The following SLC2A11 variants were observed in gnomAD, a reference collection of about 807,000 sequenced individuals.
SLC2A11 encodes the protein solute carrier family 2, facilitated glucose transporter member 11.
A neutral mutation model predicts 52.1 loss-of-function variants in SLC2A11; 43 were observed. That is an observed-to-expected ratio of 0.82 (90% CI 0.65 to 1.06). The LOEUF (loss-of-function observed/expected upper bound fraction) is 1.06. Among genes scored for constraint, SLC2A11 ranks in the 50% least tolerant of loss-of-function variants. The pLI, the probability that SLC2A11 is intolerant of heterozygous loss-of-function variation, is 0.00. For synonymous variants in SLC2A11, 261 were observed against 277.6 expected, an observed-to-expected ratio of 0.94 and a Z score of 0.59; for missense variants, 582 against 654.2, an observed-to-expected ratio of 0.89 and a Z score of 1.20.
chr22:23,877,661 G>A (rs755247360), intron 5 of SLC2A11, 60 bp from the exon 6 acceptor site: 31 of 1,506,770 alleles, frequency 2.1e-5, no homozygotes, highest in Non-Finnish European at 2.8e-5. Context: ...GGGCAGGAGA[G>A]CAGGGTGGTA....
chr22:23,874,616 A>G (rs1275831609), intron 3 of SLC2A11, among the ~76,000 whole-genome samples: 2 of 151,790 alleles, frequency 1.3e-5, no homozygotes, highest in African/African-American at 4.8e-5. Flanking sequence ...TGCCTGGCTA[A>G]TTTTGTATTT....
At chr22:23,858,082 A>C in intron 1 of SLC2A11, 53 bp downstream of exon 1, 1 of 1,550,888 alleles carries the variant, frequency 6.4e-7, no homozygotes, top group Non-Finnish European at 8.7e-7. Context: ...GGGATTGCGG[A>C]CCTGAGTGAA....
Position 23,884,748 on chromosome 22 carries a change from T to C in SLC2A11, c.1399T>C (p.Phe467Leu), listed in dbSNP as rs748586241. 6.2e-7 allele frequency: 1 copy of C among 1,614,154 alleles called. No homozygotes were observed. The highest frequency in any genetic ancestry group is 8.5e-7 in the Non-Finnish European group (1 of 1,180,022). The change falls in exon 12 of 12, where the codon TTC becomes CTC. Residue 467 changes from phenylalanine (F) to leucine (L), a missense_variant. Physicochemically the swap from Phe to Leu is conservative, Grantham distance 22 (BLOSUM62 0). Coordinates refer to ENST00000316185, the MANE Select transcript of SLC2A11 (RefSeq NM_001024939.4). The surrounding 1 kb of genome is among the most constrained non-coding windows in gnomAD (Gnocchi z 4.3). ...CCTTCCTGAGACCAAAGGCAAGACCTTCCAAGAGATCTCCAAGGAATTACA... is the reference window on the plus strand; with the variant it reads ...CCTTCCTGAGACCAAAGGCAAGACCCTCCAAGAGATCTCCAAGGAATTACA... The part of the protein sequence containing the change: ...LFLPETKGKT[F>L]QEISKELHRL...
intron 3 of SLC2A11, chr22:23,869,785 C>G: frequency 1.9e-6 from 1 of 533,622 alleles, no homozygotes; most frequent in East Asian, 3.1e-5. Flanking sequence ...TCAAGGCACC[C>G]AGCAGATGCA....
chr22:23,858,105 A>G (rs1400245742), intron 1 of SLC2A11, 76 bp downstream of exon 1: 8 of 1,535,082 alleles, frequency 5.2e-6, no homozygotes, highest in Admixed American at 2.0e-5. Flanking sequence ...GCGCAGGTGC[A>G]GCCACCTGGG....
intron 3 of SLC2A11, among the ~76,000 whole-genome samples, chr22:23,874,910 T>C (rs576832412): frequency 2.6e-4 from 39 of 152,336 alleles, no homozygotes; most frequent in Admixed American, 2.4e-3. Flanking sequence ...TTTTAAAAAT[T>C]ATGTGTTACA....
intron 8 of SLC2A11, chr22:23,883,281 G>A: frequency 3.0e-6 from 1 of 333,544 alleles, no homozygotes; most frequent in Non-Finnish European, 5.7e-6. Context: ...GACCAGCCTG[G>A]GCAACATGGT....
chr22:23,864,385 G>A (rs2032185260), intron 2 of SLC2A11, among the ~76,000 whole-genome samples: 1 of 152,122 alleles, frequency 6.6e-6, no homozygotes, highest in South Asian at 2.1e-4. Context: ...GCGATGGCGT[G>A]ATCTTGGCTC....
chr22:23,882,923 G>T (rs1318060307), intron 8 of SLC2A11, 54 bp downstream of exon 8: 1 of 1,485,348 alleles, frequency 6.7e-7, no homozygotes, highest in Non-Finnish European at 9.3e-7. Context: ...GGACCCCCAG[G>T]TCCTCTGCAT....
At chr22:23,874,905 A>T (rs2146128421) in intron 3 of SLC2A11, among the ~76,000 whole-genome samples, 1 of 152,318 alleles carries the variant, frequency 6.6e-6, no homozygotes, top group East Asian at 1.9e-4. Context: ...AGATATTTTA[A>T]AAATTATGTG....
At chr22:23,867,860 G>A in intron 2 of SLC2A11, 1 of 443,612 alleles carries the variant, frequency 2.3e-6, no homozygotes, top group Non-Finnish European at 4.7e-6. Flanking sequence ...TTCCCATCTG[G>A]CTATTCATGA....
chr22:23,873,843 C>T (rs1238786983), intron 3 of SLC2A11, among the ~76,000 whole-genome samples: 1 of 152,144 alleles, frequency 6.6e-6, no homozygotes, highest in African/African-American at 2.4e-5. Flanking sequence ...TTATAATCTA[C>T]TGTCATTTTT....
At chr22:23,875,341 T>G (rs2032584479) in intron 4 of SLC2A11, 100 bp downstream of exon 4, 1 of 1,237,454 alleles carries the variant, frequency 8.1e-7, no homozygotes, top group East Asian at 3.0e-5. Context: ...CCTCCCTTTA[T>G]TCATTCATTT....
intron 2 of SLC2A11, chr22:23,865,808 A>G (rs1293321529): frequency 1.3e-5 from 2 of 152,252 alleles, no homozygotes; most frequent in African/African-American, 2.4e-5. Flanking sequence ...TTAGCACGAT[A>G]CTTGCTAAAA....
chr22:23,862,377 A>C lies in SLC2A11; in HGVS notation c.129+175A>C, dbSNP rs957335898. The C allele has an allele frequency of 5.0e-6, 3 of 597,098 alleles. No individual in the cohort carries two copies. The African/African-American group carries it at 5.6e-5, about 11-fold the overall frequency. 37.0% of individuals were successfully genotyped at this position (597,098 alleles called of 1,614,324 possible). ...TTCAAACTGAGCATACATCTTCCCC[A>C]AACCTGCATGTCCTCCTGAGTCCCT... On this transcript the variant is annotated intron_variant, in intron 2 of 11. Coordinates refer to ENST00000316185, the MANE Select transcript of SLC2A11 (RefSeq NM_001024939.4).
chr22:23,876,990 G>T, intron 4 of SLC2A11, 52 bp from the exon 5 acceptor site: 1 of 1,612,588 alleles, frequency 6.2e-7, no homozygotes, highest in South Asian at 1.1e-5. Context: ...GGGTGTCGTG[G>T]AGTGGGGGTC....
In SLC2A11 at chr22:23,883,965, C is replaced by G. The variant is rs1568999151; in HGVS notation, c.1112C>G (p.Thr371Arg). The G allele has an allele frequency of 6.2e-7, 1 of 1,613,434 alleles. No homozygotes were observed. Among genetic ancestry groups the G allele is most frequent in the East Asian group, 2.2e-5 (1 of 44,842 alleles). The change falls in exon 10 of 12, where the codon ACA (threonine) becomes AGA (arginine). Residue 371 changes from threonine to arginine, a missense_variant. Thr to Arg is a moderately conservative substitution (Grantham distance 71). Transcript: ENST00000316185. ...CCACGGCAGAGCTCCTTCCCCTGGA[C>G]ACTCTACCTGGCCATGGCCTGCATC... ...ALCLQSSFPWTLYLAMACIFA... is the reference protein window; with the variant it reads ...ALCLQSSFPWRLYLAMACIFA...
rs2032837440 is a variant in SLC2A11, at chr22:23,882,247, G to A, written c.695-212G>A. On this transcript the variant is annotated intron_variant, in intron 6 of 11. Coordinates refer to ENST00000316185, the MANE Select transcript of SLC2A11 (RefSeq NM_001024939.4). The stretch of plus-strand genomic sequence containing the variant: ...AGACAGAGAGATTGAGAGGCAGAGA[G>A]AGAAACACACACACACACAGAGACA... 1.2e-5 allele frequency: 7 copies of A among 581,322 alleles called. No individual in the cohort carries two copies. In the South Asian group the frequency reaches 1.5e-4, roughly 13 times the overall value. 36.0% of individuals were successfully genotyped at this position (581,322 alleles called of 1,614,324 possible).
At chr22:23,878,719 G>T (rs1031290457) in intron 6 of SLC2A11, among the ~76,000 whole-genome samples, 1 of 152,148 alleles carries the variant, frequency 6.6e-6, no homozygotes, top group Non-Finnish European at 1.5e-5. Context: ...CACCATGGCC[G>T]CAATTATTAC....
Sources: gnomAD v4.1 joint callset for allele counts (sites outside exome capture counted in the v4.1 genomes callset) on GRCh38, gnomAD v4.1.1 for gene constraint, Gnocchi (gnomAD v3.1) non-coding constraint, MANE v1.5 for transcripts, NCBI Gene and HGNC (gene_info 2026-07-23, HGNC 2026-07-21) for gene names.